AFAP1: variants seen among roughly 807,000 people sequenced by gnomAD.
AFAP1 encodes the protein actin filament-associated protein 1.
In AFAP1, 75 loss-of-function variants were observed where a neutral mutation model predicts 93.9. That is an observed-to-expected ratio of 0.80 (90% confidence interval 0.66 to 0.97). The LOEUF (loss-of-function observed/expected upper bound fraction) is 0.97, where lower values mean the gene tolerates loss of function less well. Ranked by LOEUF, AFAP1 falls within the 50% of genes least tolerant of loss-of-function variation. The pLI is 0.00. For synonymous variants in AFAP1, 517 were observed against 430.7 expected, an observed-to-expected ratio of 1.20 and a Z score of -2.48; for missense variants, 1,201 against 1,050.8, an observed-to-expected ratio of 1.14 and a Z score of -1.98.
chr4:7,867,614 T>C (rs1287743522), intron 3 of AFAP1, among the ~76,000 whole-genome samples: 1 of 152,226 alleles, frequency 6.6e-6, no homozygotes, highest in Non-Finnish European at 1.5e-5. Context: ...ACTTATTTTA[T>C]GATGTTGAGC....
chr4:7,901,260 G>A (rs978330687), intron 1 of AFAP1, among the ~76,000 whole-genome samples: 1 of 152,206 alleles, frequency 6.6e-6, no homozygotes, highest in Admixed American at 6.5e-5. Context: ...TGAAGCCAAG[G>A]GTGCCTATTG....
chr4:7,907,178 C>G (rs1719459764), intron 1 of AFAP1, among the ~76,000 whole-genome samples: 1 of 152,154 alleles, frequency 6.6e-6, no homozygotes, highest in Non-Finnish European at 1.5e-5. Context: ...CTCTTTCCAG[C>G]TAATTCCACT....
chr4:7,808,888 C>T (rs1719762199), intron 9 of AFAP1, among the ~76,000 whole-genome samples: 2 of 152,162 alleles, frequency 1.3e-5, no homozygotes, highest in Non-Finnish European at 1.5e-5. Context: ...CGAGTAAAAG[C>T]TTCCTGAGGC....
chr4:7,939,453 C>G lies in AFAP1; in HGVS notation c.-3+203G>C. On this transcript the variant is annotated intron_variant, in intron 1 of 17. Coordinates refer to ENST00000420658, the MANE Select transcript of AFAP1 (RefSeq NM_001134647.2). This position sits in a 1 kb window ranked among gnomAD's most constrained non-coding sequence, Gnocchi z 5.6. ...GGAGCTGGGGAGCAGTGGGGACCGG[C>G]CCCCACCCGCAGGACGACCGGGACC... The G allele has an allele frequency of 3.4e-6, 1 of 293,946 alleles. No homozygotes were observed. The highest frequency in any genetic ancestry group is 5.5e-5 in the Admixed American group (1 of 18,332). 18.2% of individuals were successfully genotyped at this position (293,946 alleles called of 1,614,324 possible). A position where few individuals can be genotyped will look rare whatever the true frequency, so the allele number is the denominator to read the frequency against.
rs774284714 is a variant in AFAP1, at chr4:7,819,176, A to G, written c.727-5T>C. The G allele has an allele frequency of 1.9e-6, 3 of 1,607,374 alleles. No individual in the cohort carries two copies. The East Asian group carries it at 6.7e-5, about 36-fold the overall frequency. ...ACTGTAGGCTTCTTTGATCACCTAT[A>G]AAAAGCACAGACACTTTGTGAGTAT... On this transcript the variant is annotated splice_region_variant and splice_polypyrimidine_tract_variant and intron_variant, in intron 6 of 17. Transcript: ENST00000420658.
At chr4:7,765,585 G>A (rs1049565412) in intron 17 of AFAP1, among the ~76,000 whole-genome samples, 4 of 152,338 alleles carry the variant, frequency 2.6e-5, no homozygotes, top group African/African-American at 9.6e-5. Context: ...ATGGTCTCTG[G>A]AGCTACGTGG....
At chr4:7,776,382 G>GTGTA (rs1716120154) in intron 14 of AFAP1, 1 of 151,952 alleles carries the variant, frequency 6.6e-6, no homozygotes, top group African/African-American at 2.4e-5. Context: ...TCCTGTGTGT[G>GTGTA]TGTATGTGTG....
intron 1 of AFAP1, among the ~76,000 whole-genome samples, chr4:7,879,292 A>T (rs1452895664): frequency 6.6e-6 from 1 of 152,186 alleles, no homozygotes; most frequent in Non-Finnish European, 1.5e-5. Flanking sequence ...GAGCCTCACA[A>T]TCTAATCATC....
At chr4:7,917,041 C>G (rs1038325990) in intron 1 of AFAP1, among the ~76,000 whole-genome samples, 1 of 152,236 alleles carries the variant, frequency 6.6e-6, no homozygotes, top group East Asian at 1.9e-4. Flanking sequence ...TGAGTTTGAG[C>G]AAGCAGCTTT....
chr4:7,905,258 A>G (rs981300807), intron 1 of AFAP1, among the ~76,000 whole-genome samples: 2 of 152,238 alleles, frequency 1.3e-5, no homozygotes, highest in Non-Finnish European at 2.9e-5. Context: ...CTGCAGCTGC[A>G]CAGGCAGAAA....
chr4:7,929,864 G>C (rs916666543), intron 1 of AFAP1, among the ~76,000 whole-genome samples: 1 of 152,210 alleles, frequency 6.6e-6, no homozygotes, highest in African/African-American at 2.4e-5. Context: ...GGAGGTGCCG[G>C]CTCTGTTCTC....
At chr4:7,840,716 C>T (rs962560968) in intron 5 of AFAP1, among the ~76,000 whole-genome samples, 3 of 152,152 alleles carry the variant, frequency 2.0e-5, no homozygotes, top group Admixed American at 2.0e-4. Context: ...AAAAATACCT[C>T]AACTAACCTC....
intron 13 of AFAP1, among the ~76,000 whole-genome samples, chr4:7,780,858 T>C (rs562952122): frequency 6.6e-6 from 1 of 152,214 alleles, no homozygotes; most frequent in Admixed American, 6.5e-5. Context: ...ATAATCTATT[T>C]CATGTTTAAA....
chr4:7,821,846 C>A (rs1720998148), intron 6 of AFAP1, among the ~76,000 whole-genome samples: 1 of 152,134 alleles, frequency 6.6e-6, no homozygotes, highest in Non-Finnish European at 1.5e-5. Context: ...TGCTCCTCAG[C>A]TGTTTTATGA....
At chr4:7,765,990 G>A (rs766587469) in intron 17 of AFAP1, among the ~76,000 whole-genome samples, 8 of 152,158 alleles carry the variant, frequency 5.3e-5, no homozygotes, top group Admixed American at 3.3e-4. Context: ...CTATTTCCAG[G>A]GGCTCATTAA....
At chr4:7,767,877 C>T (rs1714830023) in intron 17 of AFAP1, among the ~76,000 whole-genome samples, 1 of 152,074 alleles carries the variant, frequency 6.6e-6, no homozygotes, top group Non-Finnish European at 1.5e-5. Context: ...AGTTTGATAC[C>T]AGCCTGGGCG....
intron 1 of AFAP1, among the ~76,000 whole-genome samples, chr4:7,926,247 C>T (rs1157823246): frequency 6.6e-6 from 1 of 152,182 alleles, no homozygotes; most frequent in Non-Finnish European, 1.5e-5. Context: ...CCTACACTAC[C>T]CCACAGTTCT....
chr4:7,922,403 G>T (rs766672112), intron 1 of AFAP1, among the ~76,000 whole-genome samples: 2 of 152,210 alleles, frequency 1.3e-5, no homozygotes, highest in African/African-American at 2.4e-5. Flanking sequence ...TCATGTAAAG[G>T]AAGTGAGTAT....
intron 3 of AFAP1, among the ~76,000 whole-genome samples, chr4:7,863,377 C>CCA (rs1360190900): frequency 3.3e-5 from 5 of 152,122 alleles, no homozygotes; most frequent in Non-Finnish European, 1.5e-5. Context: ...CCAGATCGTG[C>CCA]CACTGCACTC....
Sources: gnomAD v4.1 joint callset for allele counts (sites outside exome capture counted in the v4.1 genomes callset) on GRCh38, gnomAD v4.1.1 for gene constraint, Gnocchi (gnomAD v3.1) non-coding constraint, MANE v1.5 for transcripts, NCBI Gene and HGNC (gene_info 2026-07-23, HGNC 2026-07-21) for gene names.